Variants in AGPAT3 observed in about 807,000 individuals in gnomAD.
AGPAT3 encodes 1-acylglycerol-3-phosphate O-acyltransferase 3.
Under a neutral mutation model 47.3 loss-of-function variants are expected in AGPAT3, and 5 were observed. That is an observed-to-expected ratio of 0.11 (90% confidence interval 0.06 to 0.22). The LOEUF is 0.22. Among genes scored for constraint, AGPAT3 ranks in the 10% least tolerant of loss-of-function variants. The pLI is 1.00. For synonymous variants in AGPAT3, 212 were observed against 208.3 expected (o/e 1.02, Z -0.15); for missense variants, 315 against 493.0 (o/e 0.64, Z 3.42).
chr21:43,895,777 G>A (rs1601240838), intron 1 of AGPAT3, among the ~76,000 whole-genome samples: 1 of 151,508 alleles, frequency 6.6e-6, no homozygotes, highest in Non-Finnish European at 1.5e-5. Context: ...TTTTTCGTGG[G>A]TTTTTTTGAG....
At chr21:43,949,151 A>G (rs1478840696) in intron 2 of AGPAT3, among the ~76,000 whole-genome samples, 1 of 150,706 alleles carries the variant, frequency 6.6e-6, no homozygotes, top group Non-Finnish European at 1.5e-5. Context: ...GCTGGGGGGG[A>G]GCTTTTGCTA....
At chr21:43,958,246 G>C (rs972843999) in intron 2 of AGPAT3, among the ~76,000 whole-genome samples, 1 of 152,034 alleles carries the variant, frequency 6.6e-6, no homozygotes, top group African/African-American at 2.4e-5. Context: ...GTGTGTGTGT[G>C]AGTGTGGCAT....
rs111568467 is a variant in AGPAT3, at chr21:43,936,066, C to T, written c.-48-23568C>T. Reference sequence around the variant, plus strand: ...GGCTCACATGCCGCAGCCCTGGCCCCCACACCTGCAGCTCGGGCACCCCTG... The same window carrying T: ...GGCTCACATGCCGCAGCCCTGGCCCTCACACCTGCAGCTCGGGCACCCCTG... On this transcript the variant is annotated intron_variant, in intron 2 of 9. Coordinates refer to ENST00000291572, the MANE Select transcript of AGPAT3 (RefSeq NM_020132.5). Among the ~76,000 whole-genome samples, 162 of 152,356 alleles carry T rather than the reference C, an allele frequency of 1.1e-3. 1 individual carries two copies. Among genetic ancestry groups the T allele is most frequent in the African/African-American group, 3.8e-3 (156 of 41,578 alleles).
intron 2 of AGPAT3, among the ~76,000 whole-genome samples, chr21:43,938,736 A>G (rs1256124175): frequency 6.6e-6 from 1 of 152,232 alleles, no homozygotes; most frequent in South Asian, 2.1e-4. Context: ...GTTACCCACA[A>G]ACTTAGCAGC....
At chr21:43,875,796 C>T (rs984934059) in intron 1 of AGPAT3, among the ~76,000 whole-genome samples, 18 of 152,082 alleles carry the variant, frequency 1.2e-4, no homozygotes, top group African/African-American at 1.7e-4. Context: ...CTAGTAGAGA[C>T]GGGGTTTCAC....
chr21:43,971,868 C>G (rs2089410174), intron 7 of AGPAT3, among the ~76,000 whole-genome samples: 1 of 152,244 alleles, frequency 6.6e-6, no homozygotes, highest in South Asian at 2.1e-4. Context: ...TGCTCTGTCC[C>G]TTTGTGGGCT....
At chr21:43,974,343 G>A (rs1045748802) in intron 7 of AGPAT3, among the ~76,000 whole-genome samples, 3 of 151,840 alleles carry the variant, frequency 2.0e-5, no homozygotes, top group African/African-American at 7.2e-5. Flanking sequence ...TGTGGCGTGT[G>A]TATAAATTAC....
At chr21:43,944,410 T>C (rs1034984628) in intron 2 of AGPAT3, among the ~76,000 whole-genome samples, 1 of 152,230 alleles carries the variant, frequency 6.6e-6, no homozygotes, top group Non-Finnish European at 1.5e-5. Context: ...TGTACATCCC[T>C]GCCTGCAGGC....
Position 43,959,876 on chromosome 21 carries a change from C to T in AGPAT3, c.178+17C>T, listed in dbSNP as rs1028207142. 8 of 1,590,488 alleles carry T rather than the reference C, an allele frequency of 5.0e-6. No homozygotes were observed. The highest frequency in any genetic ancestry group is 2.6e-6 in the Non-Finnish European group (3 of 1,171,920). ...TCTGGAGCCGTGAGTGTCTGCTGGG[C>T]CAGTCCCTGCCGCCTGGGGCTCCCG... On this transcript the variant is annotated intron_variant, in intron 3 of 9. Transcript: ENST00000291572.
At chr21:43,865,463 C>G (rs1173271398) in intron 1 of AGPAT3, 118 bp downstream of exon 1, 1 of 146,828 alleles carries the variant, frequency 6.8e-6, no homozygotes, top group Non-Finnish European at 1.5e-5. Context: ...CGTCCGACCT[C>G]GGGCCGCCCG....
intron 7 of AGPAT3, among the ~76,000 whole-genome samples, chr21:43,976,626 C>A (rs2089632998): frequency 6.6e-6 from 1 of 152,126 alleles, no homozygotes; most frequent in Admixed American, 6.5e-5. Flanking sequence ...GACACATGAG[C>A]CAAATTTTGT....
chr21:43,967,679 C>T (rs960355705), intron 3 of AGPAT3: 12 of 432,972 alleles, frequency 2.8e-5, no homozygotes, highest in Middle Eastern at 6.2e-4. Context: ...ACGTGAGAAG[C>T]GTAATTGGGC....
intron 2 of AGPAT3, among the ~76,000 whole-genome samples, chr21:43,926,484 C>A (rs995920609): frequency 6.6e-6 from 1 of 152,106 alleles, no homozygotes; most frequent in African/African-American, 2.4e-5. Context: ...TCGGGTGTTT[C>A]ATTCTCACAG....
intron 1 of AGPAT3, among the ~76,000 whole-genome samples, chr21:43,901,464 TAAAG>T (rs1315194748): frequency 1.3e-5 from 2 of 149,458 alleles, no homozygotes; most frequent in African/African-American, 2.5e-5. Context: ...ATGATAAAAA[TAAAG>T]AAAAAAATGG....
intron 2 of AGPAT3, among the ~76,000 whole-genome samples, chr21:43,911,525 C>A (rs1326123958): frequency 2.0e-5 from 3 of 152,256 alleles, no homozygotes; most frequent in Non-Finnish European, 4.4e-5. Flanking sequence ...GGCCCAGATG[C>A]CGCCTCGCTG....
chr21:43,969,962 G>A (rs1282459087), intron 5 of AGPAT3, among the ~76,000 whole-genome samples: 1 of 151,480 alleles, frequency 6.6e-6, no homozygotes, highest in African/African-American at 2.4e-5. Context: ...ACCTCCCAAA[G>A]TGCTGGGATT....
At chr21:43,947,979 G>A (rs561399944) in intron 2 of AGPAT3, among the ~76,000 whole-genome samples, 5 of 152,328 alleles carry the variant, frequency 3.3e-5, no homozygotes, top group East Asian at 1.9e-4. Context: ...TCTCACAAAT[G>A]TATATTGAAT....
In AGPAT3 at chr21:43,985,637, G is replaced by T; in HGVS notation, c.*3245G>T. 9.3e-6 allele frequency: 2 copies of T among 214,868 alleles called. No individual in the cohort carries two copies. The highest frequency in any genetic ancestry group is 9.4e-6 in the Non-Finnish European group (1 of 106,128). The allele number at this position is 214,868 out of a possible 1,614,324, so 13.3% of individuals were successfully genotyped here. On this transcript the variant is annotated 3_prime_UTR_variant, in exon 10 of 10. Coordinates refer to ENST00000291572, the MANE Select transcript of AGPAT3 (RefSeq NM_020132.5). ...CATGCCTGTTGTGACTACCGGTTGG[G>T]GTCAGATTTGGGGTGAAGAATGAGT...
At chr21:43,904,220 T>C (rs2086432337) in intron 2 of AGPAT3, among the ~76,000 whole-genome samples, 1 of 152,224 alleles carries the variant, frequency 6.6e-6, no homozygotes, top group African/African-American at 2.4e-5. Context: ...CAGTCCCTTC[T>C]CATTTGTCCA....
Sources: allele counts gnomAD v4.1 joint callset (sites outside exome capture counted in the v4.1 genomes callset), GRCh38; gene constraint gnomAD v4.1.1; transcripts MANE v1.5; gene names NCBI Gene and HGNC (gene_info 2026-07-23, HGNC 2026-07-21).